PCED1B: variants seen among roughly 807,000 people sequenced by gnomAD.
The protein encoded by PCED1B is PC-esterase domain-containing protein 1B.
For synonymous variants in PCED1B, 251 were observed against 246.1 expected, an observed-to-expected ratio of 1.02 and a Z score of -0.19; for missense variants, 573 against 573.9, an observed-to-expected ratio of 1.00 and a Z score of 0.02.
At chr12:47,160,952 C>T (rs1468011615) in intron 2 of PCED1B, among the ~76,000 whole-genome samples, 1 of 152,170 alleles carries the variant, frequency 6.6e-6, no homozygotes, top group Non-Finnish European at 1.5e-5. Context: ...TTAGTTCCTA[C>T]AAGAGTGAGT....
At chr12:47,226,358 C>T (rs1343990650) in intron 3 of PCED1B, among the ~76,000 whole-genome samples, 1 of 152,104 alleles carries the variant, frequency 6.6e-6, no homozygotes, top group Non-Finnish European at 1.5e-5. Context: ...CTTACCCCTC[C>T]TCTTGAGAGA....
rs531350426 is a variant in PCED1B, at chr12:47,174,446, T to A, written c.-525-41776T>A. ...AAACAAAACAAACAAACAAACAAAA[T>A]AAATAAATAAATAAATAAATAAAAT... On this transcript the variant is annotated intron_variant, in intron 2 of 3. Transcript: ENST00000546455. Among the ~76,000 whole-genome samples, 479 of 135,376 alleles carry A rather than the reference T, an allele frequency of 3.5e-3. 1 individual carries two copies. The highest frequency in any genetic ancestry group is 0.011 in the African/African-American group (325 of 29,364). The allele number at this position is 135,376 out of a possible 152,430, so 88.8% of individuals were successfully genotyped here. A position where few individuals can be genotyped will look rare whatever the true frequency, so the allele number is the denominator to read the frequency against.
chr12:47,236,110 G>A lies in PCED1B; in HGVS notation c.1047G>A (p.Gln349=). ...DACFSSDHTF[Q]SDQFYCHSDV... is the part of the protein sequence containing the mutation. ...GTTTTTCCTCAGACCATACTTTCCA[G>A]TCGGATCAATTCTATTGCCATTCAG... Residue 349 remains glutamine (Q), a synonymous_variant, in exon 4 of 4, where the codon CAG becomes CAA. Coordinates refer to ENST00000546455, the MANE Select transcript of PCED1B (RefSeq NM_138371.3). 1 of 1,614,108 alleles carries A rather than the reference G, an allele frequency of 6.2e-7. No individual in the cohort carries two copies. The highest frequency in any genetic ancestry group is 8.5e-7 in the Non-Finnish European group (1 of 1,180,026).
chr12:47,187,990 T>G (rs1369599008), intron 2 of PCED1B: 1 of 154,162 alleles, frequency 6.5e-6, no homozygotes, highest in Non-Finnish European at 1.5e-5. Context: ...TGCATCTTCC[T>G]GACTGCAACA....
At chr12:47,165,252 T>G (rs1485420737) in intron 2 of PCED1B, among the ~76,000 whole-genome samples, 1 of 152,218 alleles carries the variant, frequency 6.6e-6, no homozygotes, top group Middle Eastern at 3.2e-3. Context: ...ATATCTGAGT[T>G]AGCAAAACAT....
intron 3 of PCED1B, among the ~76,000 whole-genome samples, chr12:47,233,768 G>A (rs1943884023): frequency 6.6e-6 from 1 of 152,108 alleles, no homozygotes; most frequent in Non-Finnish European, 1.5e-5. Context: ...TGCATCTGTC[G>A]ATTTTCAGTT....
intron 2 of PCED1B, among the ~76,000 whole-genome samples, chr12:47,198,058 A>T (rs1475019958): frequency 6.6e-6 from 1 of 152,210 alleles, no homozygotes; most frequent in Non-Finnish European, 1.5e-5. Flanking sequence ...GCCAGCATTA[A>T]TCCTATATCA....
chr12:47,227,592 G>T (rs572600557), intron 3 of PCED1B, among the ~76,000 whole-genome samples: 123 of 152,058 alleles, frequency 8.1e-4, no homozygotes, highest in African/African-American at 2.1e-3. Flanking sequence ...AGTGGTTCAC[G>T]CCTGTAATCC....
At chr12:47,179,081 A>G (rs1293644012) in intron 2 of PCED1B, among the ~76,000 whole-genome samples, 2 of 152,220 alleles carry the variant, frequency 1.3e-5, no homozygotes, top group African/African-American at 2.4e-5. Flanking sequence ...GAGCATTACC[A>G]TAATTTGCCT....
At chr12:47,162,030 G>A (rs540672898) in intron 2 of PCED1B, among the ~76,000 whole-genome samples, 10 of 151,114 alleles carry the variant, frequency 6.6e-5, no homozygotes, top group South Asian at 4.2e-4. Context: ...ACCAAACACC[G>A]CATGTTCTCA....
intron 2 of PCED1B, among the ~76,000 whole-genome samples, chr12:47,115,370 C>T (rs148656789): frequency 1.1e-4 from 17 of 152,286 alleles, no homozygotes; most frequent in African/African-American, 3.6e-4. Flanking sequence ...CTGCCCCTCC[C>T]GCAATGTCTG....
intron 2 of PCED1B, among the ~76,000 whole-genome samples, chr12:47,122,193 T>A (rs1277421417): frequency 6.6e-6 from 1 of 152,200 alleles, no homozygotes; most frequent in Admixed American, 6.5e-5. Context: ...TATTTTAAAT[T>A]AGGCGTTCAT....
intron 2 of PCED1B, among the ~76,000 whole-genome samples, chr12:47,118,162 T>C (rs976814854): frequency 6.6e-6 from 1 of 152,236 alleles, no homozygotes; most frequent in East Asian, 1.9e-4. Flanking sequence ...CTGATGGTAA[T>C]TTCTTTTGCT....
chr12:47,140,772 A>G (rs1427660408), intron 2 of PCED1B, among the ~76,000 whole-genome samples: 4 of 152,198 alleles, frequency 2.6e-5, no homozygotes, highest in Non-Finnish European at 5.9e-5. Context: ...ATGAATAAGC[A>G]GGGAAAGAGT....
At chr12:47,119,197 A>G (rs894438417) in intron 2 of PCED1B, among the ~76,000 whole-genome samples, 1 of 152,204 alleles carries the variant, frequency 6.6e-6, no homozygotes, top group African/African-American at 2.4e-5. Context: ...AAAAGAATAA[A>G]ATAAATAAAT....
intron 2 of PCED1B, among the ~76,000 whole-genome samples, chr12:47,169,422 C>T (rs1257240499): frequency 6.6e-6 from 1 of 152,092 alleles, no homozygotes; most frequent in Non-Finnish European, 1.5e-5. Context: ...TCTGTACCTG[C>T]CATTTTTCAG....
At position 47,235,853 on chromosome 12, in the gene PCED1B, G is replaced by A. The variant is rs772064186; in HGVS notation, c.790G>A (p.Glu264Lys). 16 of 1,576,096 alleles carry A rather than the reference G, an allele frequency of 1.0e-5. No homozygotes were observed. Among genetic ancestry groups the A allele is most frequent in the Admixed American group, 1.9e-5 (1 of 53,210 alleles). ...GCTGCCCCACCGCCACCCCGTGGGCGAGTGGATCAAGAAGAAAAAACCTGG... is the reference window on the plus strand; with the variant it reads ...GCTGCCCCACCGCCACCCCGTGGGCAAGTGGATCAAGAAGAAAAAACCTGG... ...VELPHRHPVG[E>K]WIKKKKPGPR... Residue 264 changes from glutamate to lysine, a missense_variant, in exon 4 of 4, where the codon GAG becomes AAG. By Grantham distance (56) the Glu-to-Lys change is moderately conservative. Transcript: ENST00000546455.
chr12:47,162,616 G>A (rs371813489), intron 2 of PCED1B, among the ~76,000 whole-genome samples: 1 of 152,152 alleles, frequency 6.6e-6, no homozygotes, highest in South Asian at 2.1e-4. Flanking sequence ...AGGCAAAGAG[G>A]GAGCAGGCAT....
chr12:47,171,897 CTCTTCTTCCTCTTCT>C (rs1241711631), intron 2 of PCED1B, among the ~76,000 whole-genome samples: 2 of 138,610 alleles, frequency 1.4e-5, no homozygotes, highest in African/African-American at 2.8e-5. Flanking sequence ...CTTCTTCTTC[CTCTTCTTCCTCTTCT>C]TCTTCTTCCT....
Sources: gnomAD v4.1 joint callset for allele counts (sites outside exome capture counted in the v4.1 genomes callset) on GRCh38, gnomAD v4.1.1 for gene constraint, MANE v1.5 for transcripts, NCBI Gene and HGNC (gene_info 2026-07-23, HGNC 2026-07-21) for gene names.